Variants in CLCN1 observed in about 807,000 individuals in gnomAD.
CLCN1 encodes the protein chloride voltage-gated channel 1, also known as chloride channel protein 1.
CLCN1 carries 100 observed loss-of-function variants against 114.5 expected under a neutral mutation model. That is an observed-to-expected ratio of 0.87 (90% CI 0.74 to 1.03). The LOEUF (loss-of-function observed/expected upper bound fraction) is 1.03. Ranked by LOEUF, CLCN1 falls within the 50% of genes least tolerant of loss-of-function variation. The pLI is 0.00. For synonymous variants in CLCN1, 485 were observed against 487.1 expected, an observed-to-expected ratio of 1.00 and a Z score of 0.06; for missense variants, 1,188 against 1,250.0, an observed-to-expected ratio of 0.95 and a Z score of 0.75.
At chr7:143,329,175 C>A (rs911856931) in intron 7 of CLCN1, among the ~76,000 whole-genome samples, 2 of 152,028 alleles carry the variant, frequency 1.3e-5, no homozygotes, top group Non-Finnish European at 2.9e-5. Flanking sequence ...ACCATGTTGG[C>A]CAGGCTGGCC....
chr7:143,329,027 G>C (rs1453618737), intron 7 of CLCN1, among the ~76,000 whole-genome samples: 2 of 149,798 alleles, frequency 1.3e-5, no homozygotes, highest in African/African-American at 4.9e-5. Flanking sequence ...GAGTATAGAG[G>C]TGCGATCTCG....
At position 143,339,701 on chromosome 7, in the gene CLCN1, C is replaced by G; in HGVS notation, c.1582+80C>G. The G allele has an allele frequency of 2.3e-6, 2 of 888,234 alleles. No homozygotes were observed. The highest frequency in any genetic ancestry group is 3.8e-6 in the Non-Finnish European group (2 of 523,876). The allele number at this position is 888,234 out of a possible 1,614,324, so 55.0% of individuals were successfully genotyped here. Reference sequence around the variant, plus strand: ...CACTTAAACTCTCCCATTGGATCTTCATTCTAGGCTACACAATACGGTTTT... The same window carrying G: ...CACTTAAACTCTCCCATTGGATCTTGATTCTAGGCTACACAATACGGTTTT... On this transcript the variant is annotated intron_variant, in intron 14 of 22. Transcript: ENST00000343257. This position sits in a 1 kb window ranked among gnomAD's most constrained non-coding sequence, Gnocchi z 4.1.
intron 17 of CLCN1, 96 bp from the exon 18 acceptor site, chr7:143,346,044 G>C (rs1803233785): frequency 2.2e-6 from 2 of 907,246 alleles, no homozygotes; most frequent in Non-Finnish European, 1.8e-6. Flanking sequence ...GGGAAGAATA[G>C]AGTTCGCTTT....
chr7:143,332,115 C>A (rs1432295607), intron 10 of CLCN1, among the ~76,000 whole-genome samples: 1 of 152,058 alleles, frequency 6.6e-6, no homozygotes, highest in Non-Finnish European at 1.5e-5. Context: ...AGGCATGCAC[C>A]ACCGTGCCTG....
chr7:143,344,758 T>G (rs1438972479), intron 16 of CLCN1, among the ~76,000 whole-genome samples: 1 of 149,944 alleles, frequency 6.7e-6, no homozygotes, highest in Non-Finnish European at 1.5e-5. Flanking sequence ...AGGGTTTTTT[T>G]TTTTTTTTTT....
At position 143,352,053 on chromosome 7, in the gene CLCN1, C is replaced by A; in HGVS notation, c.*88C>A. ...GGGGCAGGGTGCGTCCTGAATGTGG[C>A]GAGGTCATGCCAATGTCGTGGCCTC... On this transcript the variant is annotated 3_prime_UTR_variant, in exon 23 of 23. Transcript: ENST00000343257. 6.4e-7 allele frequency: 1 copy of A among 1,553,540 alleles called. No individual in the cohort carries two copies. The highest frequency in any genetic ancestry group is 8.9e-7 in the Non-Finnish European group (1 of 1,128,464).
At chr7:143,327,701 C>G (rs1802611186) in intron 7 of CLCN1, among the ~76,000 whole-genome samples, 2 of 152,172 alleles carry the variant, frequency 1.3e-5, no homozygotes, top group Admixed American at 1.3e-4. Context: ...GTGGCCCAGG[C>G]TGGAGTGCAG....
chr7:143,338,812 A>G (rs977128708), intron 12 of CLCN1, among the ~76,000 whole-genome samples: 3 of 151,884 alleles, frequency 2.0e-5, no homozygotes, highest in African/African-American at 7.3e-5. Flanking sequence ...AAAAAAAGAA[A>G]AAAAAAAAAC....
In CLCN1 at chr7:143,332,413, T is replaced by C. The variant is rs776097176; in HGVS notation, c.1167-6T>C. 2 of 1,613,016 alleles carry C rather than the reference T, an allele frequency of 1.2e-6. No homozygotes were observed. Among genetic ancestry groups the C allele is most frequent in the Admixed American group, 3.3e-5 (2 of 60,024 alleles). On this transcript the variant is annotated splice_polypyrimidine_tract_variant and splice_region_variant and intron_variant, in intron 10 of 22. Transcript: ENST00000343257. Reference sequence around the variant, plus strand: ...ATTGTGGCGGTTAACTCTGTTTCTTTTTCAGCCGCCTGCTGTATCCTGGAA... The same window carrying C: ...ATTGTGGCGGTTAACTCTGTTTCTTCTTCAGCCGCCTGCTGTATCCTGGAA...
At position 143,324,503 on chromosome 7, in the gene CLCN1, G is replaced by T. The variant is rs750204574; in HGVS notation, c.853+11G>T. On this transcript the variant is annotated intron_variant, in intron 7 of 22. Coordinates refer to ENST00000343257, the MANE Select transcript of CLCN1 (RefSeq NM_000083.3). This position sits in a 1 kb window ranked among gnomAD's most constrained non-coding sequence, Gnocchi z 4.6. ...GGACACCACTTGGAGGCAAGTGATT[G>T]ACCCCCTCCCCCATCAATCGGCTTG... 3.1e-6 allele frequency: 5 copies of T among 1,606,262 alleles called. No individual in the cohort carries two copies. The African/African-American group carries it at 5.4e-5, about 17-fold the overall frequency.
chr7:143,321,517 G>C lies in CLCN1; in HGVS notation c.562+24G>C, dbSNP rs1258103846. On this transcript the variant is annotated intron_variant, in intron 4 of 22. Transcript: ENST00000343257. The surrounding 1 kb of genome is among the most constrained non-coding windows in gnomAD (Gnocchi z 4.2). Reference sequence around the variant, plus strand: ...TGGTGAGAACTTGCCACCAGACTCGGCCTGAGCTGGGTGGCCTGAGAGGGG... The same window carrying C: ...TGGTGAGAACTTGCCACCAGACTCGCCCTGAGCTGGGTGGCCTGAGAGGGG... 1 of 1,613,692 alleles carries C rather than the reference G, an allele frequency of 6.2e-7. No individual in the cohort carries two copies.
chr7:143,339,497 T>C lies in CLCN1; in HGVS notation c.1472-14T>C, dbSNP rs1431126936. On this transcript the variant is annotated splice_polypyrimidine_tract_variant and intron_variant, in intron 13 of 22. Coordinates refer to ENST00000343257, the MANE Select transcript of CLCN1 (RefSeq NM_000083.3). This position sits in a 1 kb window ranked among gnomAD's most constrained non-coding sequence, Gnocchi z 4.1. Reference sequence around the variant, plus strand: ...GATCTCGTAACACCTTCCTTCCTTTTATCTTCCCTCTAGGAGCTGCATTTG... The same window carrying C: ...GATCTCGTAACACCTTCCTTCCTTTCATCTTCCCTCTAGGAGCTGCATTTG... The C allele has an allele frequency of 6.3e-6, 10 of 1,595,232 alleles. No individual in the cohort carries two copies. In the South Asian group the frequency reaches 8.8e-5, roughly 14 times the overall value.
chr7:143,350,547 A>C lies in CLCN1; in HGVS notation c.2509-21A>C. 2.5e-6 allele frequency: 4 copies of C among 1,611,572 alleles called. No individual in the cohort carries two copies. Among genetic ancestry groups the C allele is most frequent in the Non-Finnish European group, 3.4e-6 (4 of 1,177,778 alleles). On this transcript the variant is annotated intron_variant, in intron 21 of 22. Transcript: ENST00000343257. The surrounding 1 kb of genome is among the most constrained non-coding windows in gnomAD (Gnocchi z 5.1). Reference sequence around the variant, plus strand: ...GCTGTGGGGCAAGGAACATGCACTGACCTGTGCTCTTCATCCTCAGACTCA... The same window carrying C: ...GCTGTGGGGCAAGGAACATGCACTGCCCTGTGCTCTTCATCCTCAGACTCA...
chr7:143,321,509 C>A lies in CLCN1; in HGVS notation c.562+16C>A. On this transcript the variant is annotated intron_variant, in intron 4 of 22. Transcript: ENST00000343257. This position sits in a 1 kb window ranked among gnomAD's most constrained non-coding sequence, Gnocchi z 4.2. Reference sequence around the variant, plus strand: ...CAGGCTGTTGGTGAGAACTTGCCACCAGACTCGGCCTGAGCTGGGTGGCCT... The same window carrying A: ...CAGGCTGTTGGTGAGAACTTGCCACAAGACTCGGCCTGAGCTGGGTGGCCT... The A allele has an allele frequency of 1.2e-6, 2 of 1,614,026 alleles. No individual in the cohort carries two copies. Among genetic ancestry groups the A allele is most frequent in the South Asian group, 2.2e-5 (2 of 91,084 alleles).
chr7:143,346,703 C>A, intron 19 of CLCN1, 45 bp downstream of exon 19: 1 of 1,512,548 alleles, frequency 6.6e-7, no homozygotes, highest in Non-Finnish European at 9.2e-7. Flanking sequence ...GGGAGCCTGC[C>A]CTTGAAGAGT....
chr7:143,332,673 A>G lies in CLCN1; in HGVS notation c.1252-51A>G, dbSNP rs1198417598. On this transcript the variant is annotated intron_variant, in intron 11 of 22. Transcript: ENST00000343257. ...GGGGAATAAGTTCTCTAAAAAAGGAAGCACAGGAGTTCCCTGGAGAACCCA... is the reference window on the plus strand; with the variant it reads ...GGGGAATAAGTTCTCTAAAAAAGGAGGCACAGGAGTTCCCTGGAGAACCCA... The G allele has an allele frequency of 1.9e-6, 3 of 1,609,110 alleles. No homozygotes were observed. In the African/African-American group the frequency reaches 4.0e-5, roughly 22 times the overall value.
At chr7:143,334,780 T>C (rs563793861) in intron 12 of CLCN1, among the ~76,000 whole-genome samples, 2 of 152,350 alleles carry the variant, frequency 1.3e-5, no homozygotes, top group East Asian at 3.9e-4. Flanking sequence ...GCATTCATAT[T>C]TTGCACATTC....
intron 6 of CLCN1, chr7:143,323,622 A>G (rs1452730966): frequency 1.5e-6 from 1 of 664,384 alleles, no homozygotes; most frequent in Non-Finnish European, 2.9e-6. Context: ...GTGGCCCCAC[A>G]TGGAGGTCTG....
At chr7:143,341,593 TA>T (rs1413362605) in intron 14 of CLCN1, among the ~76,000 whole-genome samples, 2 of 137,148 alleles carry the variant, frequency 1.5e-5, no homozygotes, top group African/African-American at 5.4e-5. Flanking sequence ...ATAATAATAA[TA>T]ATTTTAAAAA....
Sources: gnomAD v4.1 joint callset for allele counts (sites outside exome capture counted in the v4.1 genomes callset) on GRCh38, gnomAD v4.1.1 for gene constraint, Gnocchi (gnomAD v3.1) non-coding constraint, MANE v1.5 for transcripts, NCBI Gene and HGNC (gene_info 2026-07-23, HGNC 2026-07-21) for gene names.